KLHL32: variants seen among roughly 807,000 people sequenced by gnomAD.
The protein encoded by KLHL32 is kelch-like protein 32.
A neutral mutation model predicts 64.8 loss-of-function variants in KLHL32; 35 were observed. The observed-to-expected ratio is 0.54, with a 90% CI of 0.41 to 0.72. The LOEUF is 0.72. KLHL32 is among the 30% of genes least tolerant of loss of function. KLHL32 has a pLI of 0.00. For synonymous variants in KLHL32, 259 were observed against 281.0 expected (o/e 0.92, Z 0.78); for missense variants, 589 against 768.5 (o/e 0.77, Z 2.76).
chr6:97,098,056 A>C (rs1229238069), intron 6 of KLHL32, among the ~76,000 whole-genome samples: 2 of 152,204 alleles, frequency 1.3e-5, no homozygotes, highest in Non-Finnish European at 2.9e-5. Flanking sequence ...TGTCTGTGGA[A>C]GCACTAAGGT....
chr6:97,113,463 G>A (rs1489358613), intron 6 of KLHL32, among the ~76,000 whole-genome samples: 1 of 152,058 alleles, frequency 6.6e-6, no homozygotes, highest in Admixed American at 6.6e-5. Flanking sequence ...TGAAACATAA[G>A]GGAACAGGCT....
At chr6:97,072,625 T>C (rs1310175489) in intron 5 of KLHL32, among the ~76,000 whole-genome samples, 1 of 151,660 alleles carries the variant, frequency 6.6e-6, no homozygotes. Context: ...CATTATGAAC[T>C]TTGTGCATTT....
chr6:96,944,413 T>G (rs7754826), intron 1 of KLHL32, among the ~76,000 whole-genome samples: 27,817 of 152,216 alleles, frequency 0.18, 2,820 homozygotes, highest in Non-Finnish European at 0.23. Context: ...CATAATATGG[T>G]TCTAAGGAAT....
At chr6:97,040,767 G>T (rs1345918384) in intron 3 of KLHL32, among the ~76,000 whole-genome samples, 1 of 152,116 alleles carries the variant, frequency 6.6e-6, no homozygotes, top group East Asian at 1.9e-4. Flanking sequence ...ATTGGATCAT[G>T]GGGGCGATTT....
At chr6:97,009,767 A>G (rs1273524127) in intron 3 of KLHL32, among the ~76,000 whole-genome samples, 1 of 152,232 alleles carries the variant, frequency 6.6e-6, no homozygotes, top group African/African-American at 2.4e-5. Context: ...AGACTGTTTC[A>G]TATTTAAGAG....
chr6:97,027,702 T>C (rs1181776691), intron 3 of KLHL32, among the ~76,000 whole-genome samples: 2 of 152,226 alleles, frequency 1.3e-5, no homozygotes, highest in East Asian at 3.9e-4. Flanking sequence ...GAAATACCTT[T>C]TATTTTCTGT....
chr6:96,942,233 G>A (rs1458087758), intron 1 of KLHL32, among the ~76,000 whole-genome samples: 1 of 152,192 alleles, frequency 6.6e-6, no homozygotes, highest in Non-Finnish European at 1.5e-5. Context: ...GTCTGGGTCA[G>A]TCCAGACTGG....
intron 3 of KLHL32, chr6:97,025,050 A>C (rs973046593): frequency 1.0e-6 from 1 of 984,992 alleles, no homozygotes; most frequent in Non-Finnish European, 1.2e-6. Context: ...AAGGATAATA[A>C]AGCTGATGGA....
chr6:97,113,894 T>C lies in KLHL32; in HGVS notation c.739T>C (p.Ser247Pro). ...DVDTLHTVAL[S>P]HPLVQASETA... is the part of the protein sequence containing the mutation. ...GGATACTCTCCATACAGTTGCCCTG[T>C]CCCACCCCCTTGTCCAAGCAAGTGA... Residue 247 changes from serine to proline, a missense_variant, in exon 7 of 11, where the codon TCC becomes CCC. By Grantham distance (74) the Ser-to-Pro change is moderately conservative. Around this residue, in one of 3 missense-constraint regions of KLHL32, gnomAD observed 226 missense variants for 353.2 expected, o/e 0.64. Coordinates refer to ENST00000369261, the MANE Select transcript of KLHL32 (RefSeq NM_052904.4). The C allele has an allele frequency of 6.2e-7, 1 of 1,614,092 alleles. No homozygotes were observed. Among genetic ancestry groups the C allele is most frequent in the South Asian group, 1.1e-5 (1 of 91,068 alleles).
chr6:96,970,447 TTC>T (rs984167248), intron 2 of KLHL32, among the ~76,000 whole-genome samples: 110 of 152,334 alleles, frequency 7.2e-4, no homozygotes, highest in African/African-American at 2.5e-3. Flanking sequence ...CTGGAAAACC[TTC>T]TCTTTCACTT....
At chr6:97,129,967 T>C (rs903078507) in intron 8 of KLHL32, among the ~76,000 whole-genome samples, 1 of 152,116 alleles carries the variant, frequency 6.6e-6, no homozygotes, top group East Asian at 1.9e-4. Context: ...CTTTCCCAAT[T>C]TGGCAAAAGA....
the KLHL32 span, among the ~76,000 whole-genome samples, chr6:96,907,696 A>G: frequency 6.6e-6 from 1 of 152,174 alleles, no homozygotes; most frequent in East Asian, 1.9e-4. Context: ...GGATGCCACA[A>G]CTTAACTCGC....
intron 6 of KLHL32, among the ~76,000 whole-genome samples, chr6:97,111,057 C>CTGTTACAT (rs1302242925): frequency 1.3e-5 from 2 of 152,030 alleles, no homozygotes; most frequent in African/African-American, 4.8e-5. Context: ...AGCCAACCAC[C>CTGTTACAT]TGTTACATCT....
chr6:97,065,193 C>T (rs187504065), intron 5 of KLHL32, among the ~76,000 whole-genome samples: 4 of 152,086 alleles, frequency 2.6e-5, no homozygotes, highest in African/African-American at 7.2e-5. Context: ...CAGTAAATGC[C>T]GGAGAAGGGA....
At chr6:97,030,615 C>A (rs1783403902) in intron 3 of KLHL32, among the ~76,000 whole-genome samples, 1 of 152,170 alleles carries the variant, frequency 6.6e-6, no homozygotes, top group South Asian at 2.1e-4. Flanking sequence ...GCAATGCTTT[C>A]ATATTTCTAA....
In KLHL32 at chr6:97,113,765, C is replaced by G. The variant is rs554215305; in HGVS notation, c.628-18C>G. The G allele has an allele frequency of 1.3e-5, 21 of 1,603,378 alleles. 1 individual carries two copies. The South Asian group carries it at 2.2e-4, about 17-fold the overall frequency. On this transcript the variant is annotated intron_variant, in intron 6 of 10. Coordinates refer to ENST00000369261, the MANE Select transcript of KLHL32 (RefSeq NM_052904.4). ...CTTACCTTTGTGTCTCCTCTCATCTCACTTCCCTCTGTTTCAGCTAGCTGT... is the reference window on the plus strand; with the variant it reads ...CTTACCTTTGTGTCTCCTCTCATCTGACTTCCCTCTGTTTCAGCTAGCTGT...
chr6:97,117,609 ATTGTACAGGCTCCTGTAGCGT>A (rs1350738643), intron 7 of KLHL32, among the ~76,000 whole-genome samples: 1 of 152,212 alleles, frequency 6.6e-6, no homozygotes, highest in Non-Finnish European at 1.5e-5. Context: ...TTAGAGTCGA[ATTGTACAGGCTCCTGTAGCGT>A]TTGACATTGT....
chr6:97,134,775 G>A (rs1020203065), intron 10 of KLHL32, among the ~76,000 whole-genome samples: 8 of 152,136 alleles, frequency 5.3e-5, no homozygotes, highest in Admixed American at 3.9e-4. Flanking sequence ...GGAGATCAGA[G>A]TGCTGCCATA....
At position 97,103,213 on chromosome 6, in the gene KLHL32, CTTT is replaced by C. The variant is rs5878463; in HGVS notation, c.628-10554_628-10552del. 2.8e-3 allele frequency among the ~76,000 whole-genome samples: 335 copies of C among 121,368 alleles called. 1 individual carries two copies. The highest frequency in any genetic ancestry group is 0.01 in the African/African-American group (313 of 30,786). The allele number at this position is 121,368 out of a possible 152,430, so 79.6% of individuals were successfully genotyped here. A position where few individuals can be genotyped will look rare whatever the true frequency, so the allele number is the denominator to read the frequency against. On this transcript the variant is annotated intron_variant, in intron 6 of 10. Coordinates refer to ENST00000369261, the MANE Select transcript of KLHL32 (RefSeq NM_052904.4). ...ACAATTTACTAAAACTTGAATTTAT[CTTT>C]TTTTTTTTTTTTTTTGAGACGGCGT... is the stretch of plus-strand genomic sequence containing the variant.
Sources: allele counts gnomAD v4.1 joint callset (sites outside exome capture counted in the v4.1 genomes callset), GRCh38; gene constraint gnomAD v4.1.1; regional missense constraint gnomAD v4.1.1; transcripts MANE v1.5; gene names NCBI Gene and HGNC (gene_info 2026-07-23, HGNC 2026-07-21).